UQCC1: variants seen among roughly 807,000 people sequenced by gnomAD.
The protein encoded by UQCC1 is bFGF-repressed Zic-binding protein.
Under a neutral mutation model 48.0 loss-of-function variants are expected in UQCC1, and 38 were observed. The observed-to-expected ratio is 0.79, with a 90% CI of 0.61 to 1.04. UQCC1 has a LOEUF of 1.04. Ranked by LOEUF, UQCC1 falls within the 50% of genes least tolerant of loss-of-function variation. The probability of loss-of-function intolerance (pLI) is 0.00; values close to 1 mark genes in which losing one functional copy is unlikely to be tolerated. For synonymous variants in UQCC1, 111 were observed against 129.2 expected (o/e 0.86, Z 0.95); for missense variants, 368 against 381.8 (o/e 0.96, Z 0.30).
In UQCC1 at chr20:35,346,891, C is replaced by G. The variant is rs1012647096; in HGVS notation, c.573+273G>C. On this transcript the variant is annotated intron_variant, in intron 7 of 9. Coordinates refer to ENST00000374385, the MANE Select transcript of UQCC1 (RefSeq NM_018244.5). The stretch of plus-strand genomic sequence containing the variant: ...TTCCCTCCATTCACCAAATCCATCC[C>G]TCCTATCACCACGATTTGGGCTTTA... The G allele has an allele frequency of 1.2e-5, 14 of 1,163,008 alleles. No individual in the cohort carries two copies. The Admixed American group carries it at 3.4e-4, about 28-fold the overall frequency. 72.0% of individuals were successfully genotyped at this position (1,163,008 alleles called of 1,614,324 possible). A position where few individuals can be genotyped will look rare whatever the true frequency, so the allele number is the denominator to read the frequency against.
intron 3 of UQCC1, among the ~76,000 whole-genome samples, chr20:35,382,931 C>T (rs1016488047): frequency 1.3e-5 from 2 of 152,074 alleles, no homozygotes; most frequent in Admixed American, 6.5e-5. Context: ...TGTCTATTAA[C>T]CCATATCTAG....
At chr20:35,393,673 T>A (rs192459325) in intron 2 of UQCC1, among the ~76,000 whole-genome samples, 1 of 152,142 alleles carries the variant, frequency 6.6e-6, no homozygotes. Context: ...TAAACTACAT[T>A]ATAATGATTA....
At chr20:35,389,081 A>T (rs2061982691) in intron 2 of UQCC1, among the ~76,000 whole-genome samples, 1 of 151,976 alleles carries the variant, frequency 6.6e-6, no homozygotes, top group African/African-American at 2.4e-5. Context: ...AAAAAATAAA[A>T]AAAATAAAAA....
At chr20:35,355,113 C>G (rs750550931) in intron 6 of UQCC1, among the ~76,000 whole-genome samples, 10 of 152,132 alleles carry the variant, frequency 6.6e-5, no homozygotes, top group African/African-American at 2.4e-4. Flanking sequence ...AGAGAAAACC[C>G]ACCTAGACAG....
chr20:35,394,287 T>C, intron 1 of UQCC1, 91 bp from the exon 2 acceptor site: 1 of 1,132,554 alleles, frequency 8.8e-7, no homozygotes, highest in South Asian at 1.3e-5. Context: ...GTAATATAAT[T>C]AGAAATATAT....
chr20:35,406,837 G>T (rs1027044220), intron 1 of UQCC1, among the ~76,000 whole-genome samples: 3 of 152,260 alleles, frequency 2.0e-5, no homozygotes, highest in South Asian at 2.1e-4. Flanking sequence ...ATAACACAAT[G>T]TTCGGGAAGG....
intron 1 of UQCC1, chr20:35,409,591 A>T (rs2062312703): frequency 6.2e-6 from 1 of 160,310 alleles, no homozygotes; most frequent in Non-Finnish European, 1.4e-5. Flanking sequence ...AAAGAAAAGC[A>T]GAAATGATCA....
chr20:35,337,915 A>T (rs987459660), intron 7 of UQCC1, among the ~76,000 whole-genome samples: 1 of 151,802 alleles, frequency 6.6e-6, no homozygotes, highest in South Asian at 2.1e-4. Context: ...AAACACATCT[A>T]GGTGTCTCCT....
intron 7 of UQCC1, among the ~76,000 whole-genome samples, chr20:35,336,639 T>C (rs538695363): frequency 6.6e-6 from 1 of 152,210 alleles, no homozygotes; most frequent in Admixed American, 6.5e-5. Flanking sequence ...TTCAGCCCCA[T>C]GAAACTGATT....
At chr20:35,388,074 G>A (rs572878135) in intron 2 of UQCC1, among the ~76,000 whole-genome samples, 1 of 151,328 alleles carries the variant, frequency 6.6e-6, no homozygotes, top group African/African-American at 2.4e-5. Flanking sequence ...TCCACCTCCT[G>A]GGTTCAAGCA....
chr20:35,388,580 T>A (rs894199882), intron 2 of UQCC1, among the ~76,000 whole-genome samples: 1 of 152,118 alleles, frequency 6.6e-6, no homozygotes, highest in Non-Finnish European at 1.5e-5. Flanking sequence ...GCCCGGACTA[T>A]TTTTTCCTGT....
chr20:35,337,242 G>A (rs2061325396), intron 7 of UQCC1, among the ~76,000 whole-genome samples: 2 of 151,080 alleles, frequency 1.3e-5, no homozygotes. Context: ...AGGCTAGAGT[G>A]CAAATGCACA....
At position 35,303,557 on chromosome 20, in the gene UQCC1, C is replaced by A; in HGVS notation, c.*378G>T. ...CCGGACTCGGCAGCATTACAATCTG[C>A]TCCTAGGCCACAGCAGGCCCTGGGG... On this transcript the variant is annotated 3_prime_UTR_variant, in exon 10 of 10. Transcript: ENST00000374385. 5.0e-6 allele frequency: 1 copy of A among 201,526 alleles called. No individual in the cohort carries two copies. 12.5% of individuals were successfully genotyped at this position (201,526 alleles called of 1,614,324 possible).
chr20:35,384,661 A>G (rs1454239668), intron 2 of UQCC1: 1 of 439,178 alleles, frequency 2.3e-6, no homozygotes, highest in African/African-American at 2.1e-5. Flanking sequence ...AAAAAAAAAA[A>G]AAGAGAGAGA....
At chr20:35,331,400 TA>T (rs769097691) in intron 7 of UQCC1, among the ~76,000 whole-genome samples, 3,842 of 134,232 alleles carry the variant, frequency 0.029, 106 homozygotes, top group African/African-American at 0.082. Flanking sequence ...GACAGTTATT[TA>T]AAAAAAAAAA....
rs1225172894 is a variant in UQCC1, at chr20:35,402,599, AC to A, written c.25-8404del. 6.6e-3 allele frequency among the ~76,000 whole-genome samples: 983 copies of A among 147,864 alleles called. 15 individuals are homozygous for A. The highest frequency in any genetic ancestry group is 0.023 in the African/African-American group (939 of 40,078). ...TCTCAAAAAACAAACAAACAAACAA[AC>A]AAACAAACAAACAAAATATATATAT... is the stretch of plus-strand genomic sequence containing the variant. On this transcript the variant is annotated intron_variant, in intron 1 of 9. Coordinates refer to ENST00000374385, the MANE Select transcript of UQCC1 (RefSeq NM_018244.5).
intron 6 of UQCC1, among the ~76,000 whole-genome samples, chr20:35,354,525 T>G (rs765759417): frequency 6.6e-5 from 10 of 152,062 alleles, no homozygotes; most frequent in South Asian, 6.2e-4. Flanking sequence ...GCCTCCCGAG[T>G]AGCTGGGACT....
chr20:35,306,733 G>C lies in UQCC1; in HGVS notation c.698C>G (p.Thr233Ser). ...DHGLAAALWR[T>S]FFNRKCEDPR... is the part of the protein sequence containing the mutation. ...GTCTTCACATTTCCGGTTGAAGAAG[G>C]TTCTCCAGAGGGCAGCGGCCAGCCC... Residue 233 changes from threonine to serine, a missense_variant, in exon 9 of 10, where the codon ACC becomes AGC. Thr to Ser is a moderately conservative substitution (Grantham distance 58). Coordinates refer to ENST00000374385, the MANE Select transcript of UQCC1 (RefSeq NM_018244.5). The C allele has an allele frequency of 2.5e-6, 4 of 1,614,000 alleles. No individual in the cohort carries two copies. The highest frequency in any genetic ancestry group is 3.4e-6 in the Non-Finnish European group (4 of 1,180,016).
At chr20:35,389,461 G>T (rs1358996622) in intron 2 of UQCC1, among the ~76,000 whole-genome samples, 1 of 152,076 alleles carries the variant, frequency 6.6e-6, no homozygotes, top group Non-Finnish European at 1.5e-5. Context: ...TATTCAGGAG[G>T]CTGAGGCAGG....
Sources: allele counts gnomAD v4.1 joint callset (sites outside exome capture counted in the v4.1 genomes callset), GRCh38; gene constraint gnomAD v4.1.1; transcripts MANE v1.5; gene names NCBI Gene and HGNC (gene_info 2026-07-23, HGNC 2026-07-21).